ATG7: variants seen among roughly 807,000 people sequenced by gnomAD.
ATG7 encodes autophagy related 7, also known as ubiquitin-like modifier-activating enzyme ATG7.
In ATG7, 70 loss-of-function variants were observed where a neutral mutation model predicts 82.4. The ratio of observed to expected loss-of-function variants is 0.85; its 90% CI spans 0.70 to 1.04. The LOEUF (loss-of-function observed/expected upper bound fraction) is 1.04, where lower values mean the gene tolerates loss of function less well. Among genes scored for constraint, ATG7 ranks in the 50% least tolerant of loss-of-function variants. The pLI, the probability that ATG7 is intolerant of heterozygous loss-of-function variation, is 0.00. For synonymous variants in ATG7, 287 were observed against 313.0 expected (o/e 0.92, Z 0.88); for missense variants, 792 against 864.3 (o/e 0.92, Z 1.05).
intron 20 of ATG7, among the ~76,000 whole-genome samples, chr3:11,495,396 T>G (rs964723309): frequency 2.0e-5 from 3 of 152,126 alleles, no homozygotes; most frequent in African/African-American, 7.2e-5. Flanking sequence ...GATGAGGCAC[T>G]GAAATCCATG....
intron 3 of ATG7, among the ~76,000 whole-genome samples, chr3:11,294,062 T>TGAG (rs1169874485): frequency 1.3e-5 from 2 of 148,292 alleles, no homozygotes; most frequent in Non-Finnish European, 1.5e-5. Context: ...AATGAATGAC[T>TGAG]GAGGAGAGGG....
intron 19 of ATG7, among the ~76,000 whole-genome samples, chr3:11,396,107 C>G (rs2079245904): frequency 6.9e-6 from 1 of 145,034 alleles, no homozygotes; most frequent in Non-Finnish European, 1.5e-5. Context: ...AACGTTAAAT[C>G]AGAAGTATAG....
chr3:11,458,897 G>A (rs1485876970), intron 20 of ATG7, among the ~76,000 whole-genome samples: 1 of 152,144 alleles, frequency 6.6e-6, no homozygotes, highest in East Asian at 1.9e-4. Flanking sequence ...CAGATCAGCG[G>A]AGCATTAGAT....
At chr3:11,294,043 A>G (rs1945448649) in intron 3 of ATG7, among the ~76,000 whole-genome samples, 1 of 151,454 alleles carries the variant, frequency 6.6e-6, no homozygotes, top group Non-Finnish European at 1.5e-5. Context: ...AAGAAAAAGA[A>G]AGAAAGAAAA....
intron 20 of ATG7, among the ~76,000 whole-genome samples, chr3:11,451,337 G>C (rs1389129446): frequency 1.3e-5 from 2 of 151,654 alleles, no homozygotes; most frequent in Non-Finnish European, 2.9e-5. Context: ...TCAGCCTCCT[G>C]AGTAGCTGGC....
At chr3:11,352,549 T>G (rs2075642429) in intron 14 of ATG7, among the ~76,000 whole-genome samples, 1 of 152,250 alleles carries the variant, frequency 6.6e-6, no homozygotes, top group Non-Finnish European at 1.5e-5. Context: ...CCATTCTAAC[T>G]TGTGTTAGAT....
chr3:11,303,020 G>T (rs892760727), intron 5 of ATG7, among the ~76,000 whole-genome samples: 8 of 152,178 alleles, frequency 5.3e-5, no homozygotes, highest in African/African-American at 1.9e-4. Context: ...AATAGCCCAG[G>T]GCTGCTGGTC....
Position 11,332,778 on chromosome 3 carries a change from A to G in ATG7, c.768-194A>G. The G allele has an allele frequency of 1.1e-5, 5 of 444,238 alleles. 1 individual carries two copies. Among genetic ancestry groups the G allele is most frequent in the Non-Finnish European group, 1.8e-5 (5 of 277,292 alleles). 27.5% of individuals were successfully genotyped at this position (444,238 alleles called of 1,614,324 possible). A position where few individuals can be genotyped will look rare whatever the true frequency, so the allele number is the denominator to read the frequency against. ...ACAGCCAATTCATTTTTCAGCCTCT[A>G]AACACTTGGACAGAGGAGCCATATA... is the stretch of plus-strand genomic sequence containing the variant. On this transcript the variant is annotated intron_variant, in intron 10 of 20. Coordinates refer to ENST00000693202, the MANE Select transcript of ATG7 (RefSeq NM_001349232.2).
chr3:11,483,524 C>A (rs1013630638), intron 20 of ATG7, among the ~76,000 whole-genome samples: 1 of 151,992 alleles, frequency 6.6e-6, no homozygotes, highest in South Asian at 2.1e-4. Flanking sequence ...TTCCGATGTG[C>A]GAATGTCAAG....
rs1018708078 is a variant in ATG7 at position 11,377,683 on chromosome 3, A to T, written c.1876-2289A>T. On this transcript the variant is annotated intron_variant, in intron 18 of 20. Transcript: ENST00000693202. ...CATGACTTGTAGGCTGTGTTAAAAAACTTTAATGGAAAAATATGCTAAATG... is the reference window on the plus strand; with the variant it reads ...CATGACTTGTAGGCTGTGTTAAAAATCTTTAATGGAAAAATATGCTAAATG... Among the ~76,000 whole-genome samples the T allele has an allele frequency of 2.0e-5, 3 of 152,160 alleles. No individual in the cohort carries two copies. The East Asian group carries it at 5.8e-4, about 29-fold the overall frequency.
chr3:11,344,957 G>A (rs755800758), intron 13 of ATG7, among the ~76,000 whole-genome samples: 1 of 152,084 alleles, frequency 6.6e-6, no homozygotes, highest in East Asian at 1.9e-4. Flanking sequence ...TTCTATCTTT[G>A]TATATTTTAT....
At chr3:11,299,146 T>G in intron 4 of ATG7, 1 of 605,156 alleles carries the variant, frequency 1.7e-6, no homozygotes, top group Non-Finnish European at 2.9e-6. Flanking sequence ...TTGAATCTTT[T>G]TTATATTCTT....
chr3:11,305,916 T>C (rs1257647441), intron 5 of ATG7, among the ~76,000 whole-genome samples: 1 of 152,240 alleles, frequency 6.6e-6, no homozygotes, highest in African/African-American at 2.4e-5. Flanking sequence ...CTGTCATCAG[T>C]GCAGTCAGTG....
chr3:11,283,144 CT>C (rs1943354469), intron 3 of ATG7, among the ~76,000 whole-genome samples: 2 of 152,334 alleles, frequency 1.3e-5, no homozygotes, highest in Admixed American at 1.3e-4. Context: ...AGAACTTGTT[CT>C]TTTGGACTTC....
At chr3:11,303,533 G>C (rs559061307) in intron 5 of ATG7, among the ~76,000 whole-genome samples, 53 of 151,754 alleles carry the variant, frequency 3.5e-4, no homozygotes, top group African/African-American at 1.2e-3. Flanking sequence ...GCCGGGCGTG[G>C]TGCCGGCGCC....
Position 11,292,448 on chromosome 3 carries a change from T to C in ATG7, c.-10-6238T>C, listed in dbSNP as rs369465330. Among the ~76,000 whole-genome samples the C allele has an allele frequency of 5.3e-5, 8 of 152,018 alleles. No homozygotes were observed. In the East Asian group the frequency reaches 5.8e-4, roughly 11 times the overall value. On this transcript the variant is annotated intron_variant, in intron 3 of 20. Transcript: ENST00000693202. ...GTAATTTTTGTATTTTTAGTAGAGA[T>C]GGGGTTTCACCATGTTTGTCAGGCT...
intron 20 of ATG7, among the ~76,000 whole-genome samples, chr3:11,439,307 G>A (rs1052449238): frequency 6.6e-5 from 10 of 151,986 alleles, no homozygotes; most frequent in African/African-American, 2.4e-4. Context: ...TACCTCAAAT[G>A]ATCTGCCCGT....
chr3:11,331,559 T>C, intron 10 of ATG7, 131 bp downstream of exon 10: 2 of 811,348 alleles, frequency 2.5e-6, no homozygotes, highest in Non-Finnish European at 4.1e-6. Flanking sequence ...GGAAACCAGG[T>C]AATCAATAAA....
chr3:11,573,235 AAAAGAAATAGAG>A, the ATG7 span, among the ~76,000 whole-genome samples: 213 of 119,240 alleles, frequency 1.8e-3, 26 homozygotes, highest in Admixed American at 0.015. Context: ...AGACAGAAAG[AAAAGAAATAGAG>A]AAAGAAAGAA....
Sources: allele counts gnomAD v4.1 joint callset (sites outside exome capture counted in the v4.1 genomes callset), GRCh38; gene constraint gnomAD v4.1.1; transcripts MANE v1.5; gene names NCBI Gene and HGNC (gene_info 2026-07-23, HGNC 2026-07-21).